Variants in FAM222B observed in about 807,000 individuals in gnomAD.
FAM222B encodes the protein family with sequence similarity 222 member B, also known as protein FAM222B.
Under a neutral mutation model 38.0 loss-of-function variants are expected in FAM222B, and 12 were observed. The observed-to-expected ratio is 0.32, with a 90% CI of 0.20 to 0.51. FAM222B has a LOEUF of 0.51. FAM222B is among the 20% of genes least tolerant of loss of function. The pLI is 0.97. For synonymous variants in FAM222B, 329 were observed against 317.2 expected (o/e 1.04, Z -0.40); for missense variants, 716 against 754.2 (o/e 0.95, Z 0.59).
At chr17:28,760,035 T>C (rs1318260111) in intron 2 of FAM222B, among the ~76,000 whole-genome samples, 159 bp from the exon 3 acceptor site, 2 of 152,192 alleles carry the variant, frequency 1.3e-5, no homozygotes, top group Non-Finnish European at 2.9e-5. Flanking sequence ...AGCTTCAGTC[T>C]TCACATTAAC....
At chr17:28,837,847 T>TGAAAC (rs2038901754) in intron 1 of FAM222B, among the ~76,000 whole-genome samples, 1 of 152,084 alleles carries the variant, frequency 6.6e-6, no homozygotes, top group Non-Finnish European at 1.5e-5. Context: ...GAGACGGGGT[T>TGAAAC]TCACTTTGTT....
In FAM222B at chr17:28,840,748, G is replaced by A. The variant is rs537208900; in HGVS notation, c.-41+1934C>T. Among the ~76,000 whole-genome samples the A allele has an allele frequency of 3.1e-4, 47 of 152,162 alleles. 2 individuals are homozygous for A. The South Asian group carries it at 9.1e-3, about 30-fold the overall frequency. On this transcript the variant is annotated intron_variant, in intron 1 of 2. Coordinates refer to ENST00000581407, the MANE Select transcript of FAM222B (RefSeq NM_001077498.3). ...GGGGCGGGCGGATCACCTGAGGTCA[G>A]AAGTTTGAGACCAGCCTGTCCAGCA...
At chr17:28,833,742 C>T (rs577221376) in intron 1 of FAM222B, among the ~76,000 whole-genome samples, 80 of 151,758 alleles carry the variant, frequency 5.3e-4, no homozygotes, top group Middle Eastern at 6.8e-3. Flanking sequence ...CAAAAAGATA[C>T]GAATGAACAA....
intron 2 of FAM222B, 142 bp from the exon 3 acceptor site, chr17:28,760,018 G>A (rs992572538): frequency 3.2e-5 from 26 of 817,388 alleles, no homozygotes; most frequent in Non-Finnish European, 4.5e-5. Flanking sequence ...GCCTTCATTC[G>A]AGACCCAGCT....
At chr17:28,814,963 G>T (rs1035781180) in intron 1 of FAM222B, among the ~76,000 whole-genome samples, 1 of 150,126 alleles carries the variant, frequency 6.7e-6, no homozygotes, top group Non-Finnish European at 1.5e-5. Flanking sequence ...TAGTAGAAAC[G>T]GGGTTTCACC....
chr17:28,789,079 CAAAAAAAAAAA>C (rs397857027), intron 1 of FAM222B, among the ~76,000 whole-genome samples: 5 of 63,466 alleles, frequency 7.9e-5, no homozygotes, highest in African/African-American at 1.9e-4. Context: ...AAAGATACCT[CAAAAAAAAAAA>C]AAAAAAAAAA....
chr17:28,852,094 G>A (rs978231232), intron 1 of FAM222B, among the ~76,000 whole-genome samples: 3 of 151,950 alleles, frequency 2.0e-5, no homozygotes, highest in South Asian at 2.1e-4. Flanking sequence ...GTGGCCTGGC[G>A]CGGTGGCTCA....
At chr17:28,780,799 C>T (rs147205780) in intron 1 of FAM222B, among the ~76,000 whole-genome samples, 152 of 151,876 alleles carry the variant, frequency 1.0e-3, no homozygotes, top group African/African-American at 3.2e-3. Flanking sequence ...GGAGAATCGC[C>T]TGAACTTGGG....
intron 1 of FAM222B, among the ~76,000 whole-genome samples, chr17:28,798,980 T>C (rs2037080434): frequency 6.6e-6 from 1 of 150,974 alleles, no homozygotes; most frequent in Non-Finnish European, 1.5e-5. Context: ...CTGTTGTTTT[T>C]TTTTTCTTTT....
intron 1 of FAM222B, among the ~76,000 whole-genome samples, chr17:28,786,761 C>T (rs2036427868): frequency 6.6e-6 from 1 of 152,130 alleles, no homozygotes; most frequent in Non-Finnish European, 1.5e-5. Context: ...TTTGGTCTGA[C>T]AACTTCTTAG....
chr17:28,800,218 G>T (rs1033016373), intron 1 of FAM222B, among the ~76,000 whole-genome samples: 7 of 151,776 alleles, frequency 4.6e-5, no homozygotes, highest in African/African-American at 1.7e-4. Flanking sequence ...TTTCACAGAC[G>T]GGGTTTCTCC....
intron 1 of FAM222B, among the ~76,000 whole-genome samples, chr17:28,813,603 T>C (rs2037899422): frequency 6.6e-6 from 1 of 151,682 alleles, no homozygotes; most frequent in African/African-American, 2.4e-5. Flanking sequence ...CTTGGCTCAC[T>C]GCAAGCTCCG....
intron 2 of FAM222B, among the ~76,000 whole-genome samples, chr17:28,765,693 G>A (rs960437747): frequency 5.3e-5 from 8 of 152,182 alleles, no homozygotes; most frequent in African/African-American, 1.9e-4. Flanking sequence ...AGGAGTCCGG[G>A]AAAATATGAA....
intron 1 of FAM222B, among the ~76,000 whole-genome samples, chr17:28,775,573 A>G (rs960732953): frequency 2.6e-5 from 4 of 151,878 alleles, no homozygotes; most frequent in African/African-American, 7.3e-5. Context: ...AAGTTTACAC[A>G]CTTGAATTAA....
intron 1 of FAM222B, among the ~76,000 whole-genome samples, chr17:28,791,785 G>C (rs1212581896): frequency 6.7e-6 from 1 of 149,018 alleles, no homozygotes; most frequent in East Asian, 2.0e-4. Context: ...TCAGTCTCCT[G>C]AGCAGCTGGG....
chr17:28,848,499 G>A (rs1014530920), intron 1 of FAM222B, among the ~76,000 whole-genome samples: 15 of 152,036 alleles, frequency 9.9e-5, no homozygotes, highest in Non-Finnish European at 2.9e-5. Flanking sequence ...GGTGGCTCAC[G>A]CCTGTAATCG....
chr17:28,820,950 C>CTTTTTTT (rs1456864304), intron 1 of FAM222B, among the ~76,000 whole-genome samples: 1 of 144,302 alleles, frequency 6.9e-6, no homozygotes, highest in African/African-American at 2.5e-5. Context: ...TGGTAAAACT[C>CTTTTTTT]TTTTTATTTT....
chr17:28,851,061 G>C (rs1190238181), intron 1 of FAM222B, among the ~76,000 whole-genome samples: 1 of 152,074 alleles, frequency 6.6e-6, no homozygotes, highest in Non-Finnish European at 1.5e-5. Context: ...GGAGGTTGCA[G>C]TGAGCTGAGA....
Position 28,820,289 on chromosome 17 carries a change from T to C in FAM222B, c.-41+22393A>G, listed in dbSNP as rs1348653652. ...TTAGTTCAACAGATTCAAATTTCAA[T>C]GTAGTTCCTAAGTACATTACAGGTA... On this transcript the variant is annotated intron_variant, in intron 1 of 2. Coordinates refer to ENST00000581407, the MANE Select transcript of FAM222B (RefSeq NM_001077498.3). Among the ~76,000 whole-genome samples the C allele has an allele frequency of 2.0e-5, 3 of 152,204 alleles. No individual in the cohort carries two copies. The East Asian group carries it at 5.8e-4, about 29-fold the overall frequency.
Sources: allele counts gnomAD v4.1 joint callset (sites outside exome capture counted in the v4.1 genomes callset), GRCh38; gene constraint gnomAD v4.1.1; transcripts MANE v1.5; gene names NCBI Gene and HGNC (gene_info 2026-07-23, HGNC 2026-07-21).